PNMA6F: variants seen among roughly 807,000 people sequenced by gnomAD.
PNMA6F encodes the protein paraneoplastic antigen Ma6F.
For missense variants in PNMA6F, 57 were observed against 10.8 expected (o/e 5.25, Z -5.98); for synonymous variants, 14 against 3.4 (o/e 4.15, Z -3.45).
chrX:153,320,784 C>T (rs1247293427), intron 1 of PNMA6F, 27 bp from the exon 2 acceptor site: 9 of 292,374 alleles, frequency 3.1e-5, no homozygotes, highest in Middle Eastern at 8.9e-4. Context: ...GAGAGAGGGA[C>T]GACGTTGCTG....
At position 153,317,918 on chromosome X, in the gene PNMA6F, T is replaced by A. The variant is rs55888342; in HGVS notation, c.*1020A>T. 11,976 of 93,461 alleles carry A rather than the reference T, an allele frequency of 0.13. 1,816 individuals carry two copies. Among genetic ancestry groups the A allele is most frequent in the Non-Finnish European group, 0.18 (7,117 of 38,944 alleles). The allele number at this position is 93,461 out of a possible 1,213,427, so 7.7% of individuals were successfully genotyped here. The stretch of plus-strand genomic sequence containing the variant: ...CCCCAGGGTCCGCCTCTTGCCAGGA[T>A]GGTGGACTCTGGCAGTGTCCACTGG... On this transcript the variant is annotated 3_prime_UTR_variant, in exon 2 of 2. Transcript: ENST00000436629.
Position 153,319,845 on chromosome X carries a change from T to C in PNMA6F, c.830A>G (p.Lys277Arg). The C allele has an allele frequency of 6.6e-6, 2 of 303,148 alleles. No individual in the cohort carries two copies. Among genetic ancestry groups the C allele is most frequent in the Non-Finnish European group, 1.1e-5 (2 of 174,051 alleles). The allele number at this position is 303,148 out of a possible 1,213,427, so 25.0% of individuals were successfully genotyped here. A position where few individuals can be genotyped will look rare whatever the true frequency, so the allele number is the denominator to read the frequency against. ...GTGGCACCACAGCTGCAGCATATCC[T>C]TGGCGTCCTCCAACCAGCTCTCAAA... ...ESFESWLEDA[K>R]DMLQLWCHAS... Residue 277 changes from lysine to arginine, a missense_variant, in exon 2 of 2, where the codon AAG becomes AGG. By Grantham distance (26) the Lys-to-Arg change is conservative (BLOSUM62 2). Coordinates refer to ENST00000436629, the MANE Select transcript of PNMA6F (RefSeq NM_001354980.2).
Position 153,319,111 on chromosome X carries a change from C to T in PNMA6F, c.1564G>A (p.Asp522Asn), listed in dbSNP as rs1375052658. The part of the protein sequence containing the change: ...GLPARMGSAV[D>N]MAPGGPSWEP... ...CAGCTGGGACCTCCTGGGGCCATGT[C>T]GACTGCACTGCCCATCCTGGCTGGG... The change falls in exon 2 of 2, where the codon GAC (aspartate) becomes AAC (asparagine). Residue 522 changes from aspartate (D) to asparagine (N), a missense_variant. By Grantham distance (23) the Asp-to-Asn change is conservative. Transcript: ENST00000436629. 8 of 300,031 alleles carry T rather than the reference C, an allele frequency of 2.7e-5. No homozygotes were observed. Among genetic ancestry groups the T allele is most frequent in the Admixed American group, 6.0e-5 (1 of 16,619 alleles). 24.7% of individuals were successfully genotyped at this position (300,031 alleles called of 1,213,427 possible). A position where few individuals can be genotyped will look rare whatever the true frequency, so the allele number is the denominator to read the frequency against.
At position 153,319,154 on chromosome X, in the gene PNMA6F, G is replaced by A. The variant is rs376400115; in HGVS notation, c.1521C>T (p.Pro507=). The A allele has an allele frequency of 9.1e-5, 27 of 297,936 alleles. No homozygotes were observed. The highest frequency in any genetic ancestry group is 3.8e-4 in the African/African-American group (14 of 37,038). The allele number at this position is 297,936 out of a possible 1,213,427, so 24.6% of individuals were successfully genotyped here. A position where few individuals can be genotyped will look rare whatever the true frequency, so the allele number is the denominator to read the frequency against. Residue 507 remains proline, a synonymous_variant, in exon 2 of 2, where the codon CCC becomes CCT. Coordinates refer to ENST00000436629, the MANE Select transcript of PNMA6F (RefSeq NM_001354980.2). ...GLEGLGQGRS[P]DAPGGLPARM... ...TGGCTGGGAGGCCCCCAGGGGCGTC[G>A]GGGGACCTTCCCTGACCTAGGCCTT...
chrX:153,319,825 A>ACC lies in PNMA6F; in HGVS notation c.848_849dup (p.Cys284GlyfsTer25), dbSNP rs1188086037. The stretch of plus-strand genomic sequence containing the variant: ...CTTCTCTCCCTTTCCGACGCGTGGC[A>ACC]CCACAGCTGCAGCATATCCTTGGCG... On this transcript the variant is annotated frameshift_variant, in exon 2 of 2. Transcript: ENST00000436629. LOFTEE classifies it low-confidence loss of function (END_TRUNC). The ACC allele has an allele frequency of 6.7e-6, 2 of 299,948 alleles. No homozygotes were observed. The highest frequency in any genetic ancestry group is 5.5e-5 in the African/African-American group (2 of 36,652). 24.7% of individuals were successfully genotyped at this position (299,948 alleles called of 1,213,427 possible). A position where few individuals can be genotyped will look rare whatever the true frequency, so the allele number is the denominator to read the frequency against.
Position 153,320,035 on chromosome X carries a change from C to T in PNMA6F, c.640G>A (p.Gly214Ser). The T allele has an allele frequency of 5.6e-6, 2 of 355,222 alleles. No individual in the cohort carries two copies. The highest frequency in any genetic ancestry group is 7.5e-5 in the South Asian group (1 of 13,375). The allele number at this position is 355,222 out of a possible 1,213,427, so 29.3% of individuals were successfully genotyped here. ...CCTGCAGCTCCTGCCTCATCTTCAC[C>T]TCCTTCCTCACCTGCGCCTCCTGCC... ...GEAGGAGEEG[G>S]EDEAGAAGEA... The change falls in exon 2 of 2, where the codon GGT becomes AGT. Residue 214 changes from glycine (G) to serine (S), a missense_variant. By Grantham distance (56) the Gly-to-Ser change is moderately conservative (BLOSUM62 0). Coordinates refer to ENST00000436629, the MANE Select transcript of PNMA6F (RefSeq NM_001354980.2).
chrX:153,319,052 C>A lies in PNMA6F; in HGVS notation c.1623G>T (p.Gln541His), dbSNP rs2051976364. 3.2e-6 allele frequency: 1 copy of A among 312,494 alleles called. No individual in the cohort carries two copies. 25.8% of individuals were successfully genotyped at this position (312,494 alleles called of 1,213,427 possible). The change falls in exon 2 of 2, where the codon CAG becomes CAT. Residue 541 changes from glutamine to histidine, a missense_variant. Gln to His is a conservative substitution (Grantham distance 24, BLOSUM62 0). Coordinates refer to ENST00000436629, the MANE Select transcript of PNMA6F (RefSeq NM_001354980.2). ...CCTCCTGGGGAGGCTCCTCAGCCTC[C>A]TGGCCTCCAACCTGGACAAGGCCCT... is the stretch of plus-strand genomic sequence containing the variant. ...EPEGLVQVGG[Q>H]EAEEPPQEGL... is the part of the protein sequence containing the mutation.
Position 153,320,041 on chromosome X carries a change from C to T in PNMA6F, c.634G>A (p.Glu212Lys). 2.8e-6 allele frequency: 1 copy of T among 359,307 alleles called. No homozygotes were observed. The highest frequency in any genetic ancestry group is 4.7e-6 in the Non-Finnish European group (1 of 210,615). The allele number at this position is 359,307 out of a possible 1,213,427, so 29.6% of individuals were successfully genotyped here. ...GCTCCTGCCTCATCTTCACCTCCTT[C>T]CTCACCTGCGCCTCCTGCCTCACCT... The part of the protein sequence containing the change: ...GAGEAGGAGE[E>K]GGEDEAGAAG... The change falls in exon 2 of 2, where the codon GAA becomes AAA. Residue 212 changes from glutamate (E) to lysine (K), a missense_variant. Physicochemically the swap from Glu to Lys is moderately conservative, Grantham distance 56. Transcript: ENST00000436629.
Position 153,318,932 on chromosome X carries a change from CA to C in PNMA6F, c.*5del. 1 of 300,233 alleles carries C rather than the reference CA, an allele frequency of 3.3e-6. No individual in the cohort carries two copies. The allele number at this position is 300,233 out of a possible 1,213,427, so 24.7% of individuals were successfully genotyped here. A position where few individuals can be genotyped will look rare whatever the true frequency, so the allele number is the denominator to read the frequency against. The stretch of plus-strand genomic sequence containing the variant: ...AGAGGAGAGGAGCCCTCAGGGCCCT[CA>C]GAGCCTATTTGCCCGGGGGGGACTT... On this transcript the variant is annotated 3_prime_UTR_variant, in exon 2 of 2. Coordinates refer to ENST00000436629, the MANE Select transcript of PNMA6F (RefSeq NM_001354980.2).
Position 153,318,230 on chromosome X carries a change from A to G in PNMA6F, c.*708T>C, listed in dbSNP as rs1002123304. The G allele has an allele frequency of 8.3e-6, 1 of 120,319 alleles. No individual in the cohort carries two copies. Among genetic ancestry groups the G allele is most frequent in the Admixed American group, 9.4e-5 (1 of 10,658 alleles). 9.9% of individuals were successfully genotyped at this position (120,319 alleles called of 1,213,427 possible). Reference sequence around the variant, plus strand: ...CATAGCAGTCACAGGATGAGCGTCCATCGTGCCCTGGCGCCTCCTTCCACC... The same window carrying G: ...CATAGCAGTCACAGGATGAGCGTCCGTCGTGCCCTGGCGCCTCCTTCCACC... On this transcript the variant is annotated 3_prime_UTR_variant, in exon 2 of 2. Coordinates refer to ENST00000436629, the MANE Select transcript of PNMA6F (RefSeq NM_001354980.2).
rs2051979576 is a variant in PNMA6F, at chrX:153,319,451, C to T, written c.1224G>A (p.Arg408=). 3.4e-6 allele frequency: 1 copy of T among 297,067 alleles called. No individual in the cohort carries two copies. Among genetic ancestry groups the T allele is most frequent in the South Asian group, 2.0e-4 (1 of 4,965 alleles). 24.5% of individuals were successfully genotyped at this position (297,067 alleles called of 1,213,427 possible). ...GCAGCCTCAGGAAGTCAGGTGGCCT[C>T]CTCTCCAGCTGCATCCTCCTCAGGG... is the stretch of plus-strand genomic sequence containing the variant. ...QDTLRRMQLE[R]RPPDFLRLLR... is the part of the protein sequence containing the mutation. Residue 408 remains arginine, a synonymous_variant, in exon 2 of 2, where the codon AGG becomes AGA. Coordinates refer to ENST00000436629, the MANE Select transcript of PNMA6F (RefSeq NM_001354980.2).
chrX:153,318,750 T>A lies in PNMA6F; in HGVS notation c.*188A>T. 3.4e-6 allele frequency: 1 copy of A among 292,344 alleles called. No individual in the cohort carries two copies. The highest frequency in any genetic ancestry group is 6.0e-6 in the Non-Finnish European group (1 of 167,181). The allele number at this position is 292,344 out of a possible 1,213,427, so 24.1% of individuals were successfully genotyped here. Reference sequence around the variant, plus strand: ...CGCTCAGAGCTCCCTCCAGGCCAGCTCCCCATTTGGTATCAAACGTGGTCA... The same window carrying A: ...CGCTCAGAGCTCCCTCCAGGCCAGCACCCCATTTGGTATCAAACGTGGTCA... On this transcript the variant is annotated 3_prime_UTR_variant, in exon 2 of 2. Transcript: ENST00000436629.
rs959522056 is a variant in PNMA6F, at chrX:153,319,276, C to T, written c.1399G>A (p.Gly467Arg). The T allele has an allele frequency of 3.7e-5, 11 of 297,527 alleles. No homozygotes were observed. The highest frequency in any genetic ancestry group is 2.9e-5 in the Non-Finnish European group (5 of 170,348). 24.5% of individuals were successfully genotyped at this position (297,527 alleles called of 1,213,427 possible). Reference protein sequence around the residue: ...AQGDASEADPGAEDADEAAST... With the variant: ...AQGDASEADPRAEDADEAAST... ...GCAGCCTCATCAGCATCTTCTGCTC[C>T]GGGATCAGCCTCGCTGGCGTCCCCC... The change falls in exon 2 of 2, where the codon GGA (glycine) becomes AGA (arginine). Residue 467 changes from glycine to arginine, a missense_variant. Coordinates refer to ENST00000436629, the MANE Select transcript of PNMA6F (RefSeq NM_001354980.2).
Position 153,318,806 on chromosome X carries a change from G to A in PNMA6F, c.*132C>T. On this transcript the variant is annotated 3_prime_UTR_variant, in exon 2 of 2. Coordinates refer to ENST00000436629, the MANE Select transcript of PNMA6F (RefSeq NM_001354980.2). ...GTCACTGGGAAGGGCTGGTGGTGGT[G>A]GCCAGGACCCATTAGGGGAGGTGGG... 1 of 297,147 alleles carries A rather than the reference G, an allele frequency of 3.4e-6. No homozygotes were observed. Among genetic ancestry groups the A allele is most frequent in the Non-Finnish European group, 5.9e-6 (1 of 170,176 alleles). 24.5% of individuals were successfully genotyped at this position (297,147 alleles called of 1,213,427 possible).
At position 153,319,751 on chromosome X, in the gene PNMA6F, G is replaced by T; in HGVS notation, c.924C>A (p.Ser308Arg). The change falls in exon 2 of 2, where the codon AGC becomes AGA. Residue 308 changes from serine (S) to arginine (R), a missense_variant. Physicochemically the swap from Ser to Arg is moderately radical, Grantham distance 110. Coordinates refer to ENST00000436629, the MANE Select transcript of PNMA6F (RefSeq NM_001354980.2). ...SLDGLALDIV[S>R]GLLEEDPDFS... is the part of the protein sequence containing the mutation. ...AGTCTGGATCTTCCTCCAGGAGGCC[G>T]CTCACGATATCCAGGGCCAGGCCAT... is the stretch of plus-strand genomic sequence containing the variant. 2 of 299,474 alleles carry T rather than the reference G, an allele frequency of 6.7e-6. No individual in the cohort carries two copies. The highest frequency in any genetic ancestry group is 1.2e-5 in the Non-Finnish European group (2 of 171,532). 24.7% of individuals were successfully genotyped at this position (299,474 alleles called of 1,213,427 possible). A position where few individuals can be genotyped will look rare whatever the true frequency, so the allele number is the denominator to read the frequency against.
rs781807907 is a variant in PNMA6F, at chrX:153,319,369, C to T, written c.1306G>A (p.Gly436Ser). The change falls in exon 2 of 2, where the codon GGT (glycine) becomes AGT (serine). Residue 436 changes from glycine to serine, a missense_variant. By Grantham distance (56) the Gly-to-Ser change is moderately conservative. Coordinates refer to ENST00000436629, the MANE Select transcript of PNMA6F (RefSeq NM_001354980.2). ...ACTGGGGCCGCTGCCCAGGCCACAC[C>T]CTGCTGGCTCCTTGCTAGGGAGGCT... ...WAASLARSQQ[G>S]VAWAAAPVES... 7.4e-5 allele frequency: 22 copies of T among 297,047 alleles called. No individual in the cohort carries two copies. In the South Asian group the frequency reaches 4.4e-3, roughly 60 times the overall value. The allele number at this position is 297,047 out of a possible 1,213,427, so 24.5% of individuals were successfully genotyped here. A position where few individuals can be genotyped will look rare whatever the true frequency, so the allele number is the denominator to read the frequency against.
Position 153,319,328 on chromosome X carries a change from T to C in PNMA6F, c.1347A>G (p.Pro449=). 3.4e-6 allele frequency: 1 copy of C among 297,666 alleles called. No homozygotes were observed. Among genetic ancestry groups the C allele is most frequent in the Non-Finnish European group, 5.9e-6 (1 of 170,224 alleles). The allele number at this position is 297,666 out of a possible 1,213,427, so 24.5% of individuals were successfully genotyped here. A position where few individuals can be genotyped will look rare whatever the true frequency, so the allele number is the denominator to read the frequency against. The part of the protein sequence containing the change: ...WAAAPVESED[P]AAAQASPAQG... ...GGGCCGGGGAGGCCTGGGCAGCAGC[T>C]GGGTCTTCACTCTCCACTGGGGCCG... Residue 449 remains proline (P), a synonymous_variant, in exon 2 of 2, where the codon CCA becomes CCG. Coordinates refer to ENST00000436629, the MANE Select transcript of PNMA6F (RefSeq NM_001354980.2).
rs193001516 is a variant in PNMA6F at position 153,320,050 on chromosome X, C to T, written c.625G>A (p.Ala209Thr). The T allele has an allele frequency of 2.0e-5, 7 of 357,570 alleles. No individual in the cohort carries two copies. The highest frequency in any genetic ancestry group is 1.4e-4 in the South Asian group (2 of 13,919). 29.5% of individuals were successfully genotyped at this position (357,570 alleles called of 1,213,427 possible). ...TCATCTTCACCTCCTTCCTCACCTG[C>T]GCCTCCTGCCTCACCTGCACCTCCT... is the stretch of plus-strand genomic sequence containing the variant. ...EEGGAGEAGGAGEEGGEDEAG... is the reference protein window; with the variant it reads ...EEGGAGEAGGTGEEGGEDEAG... The change falls in exon 2 of 2, where the codon GCA becomes ACA. Residue 209 changes from alanine (A) to threonine (T), a missense_variant. Ala to Thr is a moderately conservative substitution (Grantham distance 58). Coordinates refer to ENST00000436629, the MANE Select transcript of PNMA6F (RefSeq NM_001354980.2).
chrX:153,318,954 G>T lies in PNMA6F; in HGVS notation c.1721C>A (p.Ser574Tyr), dbSNP rs939920395. 1.0e-5 allele frequency: 3 copies of T among 299,512 alleles called. No individual in the cohort carries two copies. The highest frequency in any genetic ancestry group is 1.2e-5 in the Non-Finnish European group (2 of 171,778). The allele number at this position is 299,512 out of a possible 1,213,427, so 24.7% of individuals were successfully genotyped here. ...CCTCAGAGCCTATTTGCCCGGGGGG[G>T]ACTTGGGCTTGCCCGCCTCCCCAGC... ...DGAGEAGKPK[S>Y]PPGK Residue 574 changes from serine to tyrosine, a missense_variant, in exon 2 of 2, where the codon TCC becomes TAC. Ser to Tyr is a moderately radical substitution (Grantham distance 144). Coordinates refer to ENST00000436629, the MANE Select transcript of PNMA6F (RefSeq NM_001354980.2).
Sources: allele counts gnomAD v4.1 joint callset, GRCh38; gene constraint gnomAD v4.1.1; transcripts MANE v1.5; gene names NCBI Gene and HGNC (gene_info 2026-07-23, HGNC 2026-07-21).